TRABD2B: variants seen among roughly 807,000 people sequenced by gnomAD.
The protein encoded by TRABD2B is TraB domain containing 2B, also known as metalloprotease TIKI2.
Under a neutral mutation model 40.1 loss-of-function variants are expected in TRABD2B, and 14 were observed. The observed-to-expected ratio is 0.35, with a 90% CI of 0.23 to 0.55. The LOEUF (loss-of-function observed/expected upper bound fraction) is 0.55, where lower values mean the gene tolerates loss of function less well. TRABD2B is among the 20% of genes least tolerant of loss of function. The pLI, the probability that TRABD2B is intolerant of heterozygous loss-of-function variation, is 0.90. For missense variants in TRABD2B, 541 were observed against 648.6 expected (o/e 0.83, Z 1.80); for synonymous variants, 263 against 277.0 (o/e 0.95, Z 0.50).
chr1:47,867,560 G>C (rs1000115362), intron 2 of TRABD2B, among the ~76,000 whole-genome samples: 26 of 152,196 alleles, frequency 1.7e-4, no homozygotes, highest in Non-Finnish European at 2.5e-4. Context: ...TCCAAGGACA[G>C]GCAAACATGC....
intron 1 of TRABD2B, among the ~76,000 whole-genome samples, chr1:47,995,178 A>T (rs960613146): frequency 2.6e-5 from 4 of 151,398 alleles, no homozygotes; most frequent in Non-Finnish European, 5.9e-5. Flanking sequence ...AACACCTATT[A>T]AAAATAGCAC....
At chr1:47,888,857 C>T (rs1340678283) in intron 2 of TRABD2B, among the ~76,000 whole-genome samples, 2 of 152,178 alleles carry the variant, frequency 1.3e-5, no homozygotes, top group Non-Finnish European at 2.9e-5. Context: ...TTTTCCCTGG[C>T]CCACTGGGAA....
intron 2 of TRABD2B, among the ~76,000 whole-genome samples, chr1:47,993,401 C>T (rs1324503899): frequency 6.6e-6 from 1 of 152,234 alleles, no homozygotes; most frequent in Non-Finnish European, 1.5e-5. Flanking sequence ...TCAGGACTGT[C>T]AACCTTTAAG....
At chr1:47,880,493 G>A (rs1161915298) in intron 2 of TRABD2B, among the ~76,000 whole-genome samples, 1 of 152,206 alleles carries the variant, frequency 6.6e-6, no homozygotes, top group African/African-American at 2.4e-5. Flanking sequence ...GTCGTTAAGT[G>A]TGTGGTCATA....
intron 4 of TRABD2B, among the ~76,000 whole-genome samples, chr1:47,793,798 T>C (rs1194198724): frequency 6.7e-6 from 1 of 149,946 alleles, no homozygotes; most frequent in East Asian, 2.0e-4. Flanking sequence ...AAACAAAGAG[T>C]GAGGGAGGAG....
intron 2 of TRABD2B, among the ~76,000 whole-genome samples, chr1:47,824,527 A>C (rs918869400): frequency 6.6e-6 from 1 of 152,334 alleles, no homozygotes; most frequent in East Asian, 1.9e-4. Context: ...CCAGGCACAC[A>C]GTTCACCTGG....
rs1646017900 is a variant in TRABD2B at position 47,991,947 on chromosome 1, C to T, written c.666+2087G>A. Among the ~76,000 whole-genome samples, 4 of 152,270 alleles carry T rather than the reference C, an allele frequency of 2.6e-5. No individual in the cohort carries two copies. The South Asian group carries it at 8.3e-4, about 32-fold the overall frequency. ...CATCTGCCTAGGCTCCAGAATCCCA[C>T]CCTTCCCATTTAGTCCAAGGCTGCC... On this transcript the variant is annotated intron_variant, in intron 2 of 6. Coordinates refer to ENST00000606738, the MANE Select transcript of TRABD2B (RefSeq NM_001194986.2).
chr1:47,937,847 C>G lies in TRABD2B; in HGVS notation c.666+56187G>C, dbSNP rs868681175. On this transcript the variant is annotated intron_variant, in intron 2 of 6. Transcript: ENST00000606738. ...AGGACAGAGGGGAACATTCCAACCC[C>G]GATACCCAGGGAGATAAATCAAATG... is the stretch of plus-strand genomic sequence containing the variant. Among the ~76,000 whole-genome samples the G allele has an allele frequency of 8.7e-4, 132 of 152,300 alleles. 2 individuals carry two copies. The highest frequency in any genetic ancestry group is 4.4e-3 in the South Asian group (21 of 4,824).
At chr1:47,981,358 G>C (rs1377897047) in intron 2 of TRABD2B, among the ~76,000 whole-genome samples, 1 of 152,094 alleles carries the variant, frequency 6.6e-6, no homozygotes, top group Non-Finnish European at 1.5e-5. Context: ...AGAGAACAGG[G>C]GTCTGCAGCC....
At chr1:47,898,593 C>T (rs1644556863) in intron 2 of TRABD2B, among the ~76,000 whole-genome samples, 1 of 152,196 alleles carries the variant, frequency 6.6e-6, no homozygotes, top group Non-Finnish European at 1.5e-5. Flanking sequence ...CTCTAACTCC[C>T]TTATCTACAA....
intron 4 of TRABD2B, among the ~76,000 whole-genome samples, chr1:47,792,798 A>G (rs547740754): frequency 6.6e-6 from 1 of 152,160 alleles, no homozygotes; most frequent in Admixed American, 6.5e-5. Flanking sequence ...TGGGGTGTGT[A>G]GAATGAAGGC....
intron 2 of TRABD2B, among the ~76,000 whole-genome samples, chr1:47,802,107 C>T (rs1644831669): frequency 6.6e-6 from 1 of 152,172 alleles, no homozygotes. Context: ...CAGGGAAAGG[C>T]CTGAGGAGCT....
intron 2 of TRABD2B, among the ~76,000 whole-genome samples, chr1:47,930,384 G>T (rs780704818): frequency 1.3e-5 from 2 of 152,212 alleles, no homozygotes; most frequent in African/African-American, 2.4e-5. Flanking sequence ...GATCCCTGAG[G>T]ATAGCGCTGA....
At chr1:47,932,404 G>A (rs1645051632) in intron 2 of TRABD2B, among the ~76,000 whole-genome samples, 1 of 152,198 alleles carries the variant, frequency 6.6e-6, no homozygotes, top group Admixed American at 6.5e-5. Flanking sequence ...GGATTGAGAA[G>A]ACAATGGAAG....
At chr1:47,909,794 C>CT (rs1160003381) in intron 2 of TRABD2B, among the ~76,000 whole-genome samples, 1 of 154 alleles carries the variant, frequency 6.5e-3, no homozygotes. Flanking sequence ...CCCCATCCCC[C>CT]CCCCCCTTCC....
At chr1:47,809,445 G>T (rs1644933520) in intron 2 of TRABD2B, among the ~76,000 whole-genome samples, 2 of 152,164 alleles carry the variant, frequency 1.3e-5, no homozygotes, top group Admixed American at 6.5e-5. Flanking sequence ...CTCCCTGCCA[G>T]AAGCCAGTAC....
chr1:47,964,394 C>T (rs1645567382), intron 2 of TRABD2B, among the ~76,000 whole-genome samples: 1 of 152,150 alleles, frequency 6.6e-6, no homozygotes, highest in Non-Finnish European at 1.5e-5. Flanking sequence ...GGAGCACAAA[C>T]TTCATTAAGA....
intron 2 of TRABD2B, among the ~76,000 whole-genome samples, chr1:47,969,150 C>A (rs1368644147): frequency 2.0e-5 from 3 of 152,218 alleles, no homozygotes; most frequent in African/African-American, 7.2e-5. Context: ...CCATTCCCAG[C>A]CCAGGCTATT....
chr1:47,872,856 T>C (rs558100537), intron 2 of TRABD2B, among the ~76,000 whole-genome samples: 91 of 152,264 alleles, frequency 6.0e-4, no homozygotes, highest in African/African-American at 2.0e-3. Flanking sequence ...AGGGCTCCTG[T>C]GCCTGACAGA....
Sources: gnomAD v4.1 joint callset for allele counts (sites outside exome capture counted in the v4.1 genomes callset) on GRCh38, gnomAD v4.1.1 for gene constraint, MANE v1.5 for transcripts, NCBI Gene and HGNC (gene_info 2026-07-23, HGNC 2026-07-21) for gene names.